PAPLN: variants seen among roughly 807,000 people sequenced by gnomAD.
PAPLN encodes papilin, proteoglycan like sulfated glycoprotein, also known as papilin.
PAPLN carries 146 observed loss-of-function variants against 159.0 expected under a neutral mutation model. The observed-to-expected ratio is 0.92, with a 90% CI of 0.80 to 1.05. The LOEUF is 1.05. Among genes scored for constraint, PAPLN ranks in the 50% least tolerant of loss-of-function variants. The pLI, the probability that PAPLN is intolerant of heterozygous loss-of-function variation, is 0.00. For synonymous variants in PAPLN, 734 were observed against 702.9 expected (o/e 1.04, Z -0.70); for missense variants, 1,720 against 1,743.9 (o/e 0.99, Z 0.24).
chr14:73,255,130 T>G, intron 14 of PAPLN, 112 bp downstream of exon 14: 4 of 1,391,970 alleles, frequency 2.9e-6, no homozygotes, highest in Non-Finnish European at 3.9e-6. Context: ...GTCATCCCTC[T>G]GGACCCCACT....
chr14:73,249,722 T>C, intron 5 of PAPLN: 1 of 187,176 alleles, frequency 5.3e-6, no homozygotes, highest in Non-Finnish European at 1.1e-5. Flanking sequence ...ACCTCAGCTG[T>C]GGTAAATAAT....
At chr14:73,264,415 C>T in intron 21 of PAPLN, 80 bp downstream of exon 21, 2 of 1,559,966 alleles carry the variant, frequency 1.3e-6, no homozygotes, top group Non-Finnish European at 1.7e-6. Context: ...TGACCGAGGG[C>T]TGCCTCACGC....
In PAPLN at chr14:73,240,124, C is replaced by T. The variant is rs565279679; in HGVS notation, c.54+292C>T. On this transcript the variant is annotated intron_variant, in intron 2 of 26. Coordinates refer to ENST00000644200, the MANE Select transcript of PAPLN (RefSeq NM_001365906.3). ...TGGGAGCACTCCATGAAGTCCCCGC[C>T]AATCCTGGCGGGTGCAGCCAAGGTG... is the stretch of plus-strand genomic sequence containing the variant. 3.9e-5 allele frequency among the ~76,000 whole-genome samples: 6 copies of T among 152,302 alleles called. No homozygotes were observed. The South Asian group carries it at 1.2e-3, about 32-fold the overall frequency.
intron 2 of PAPLN, among the ~76,000 whole-genome samples, chr14:73,241,867 C>T (rs1883587372): frequency 6.6e-6 from 1 of 152,278 alleles, no homozygotes; most frequent in Non-Finnish European, 1.5e-5. Context: ...CTCTCTCTTA[C>T]ACACGTGCAC....
At chr14:73,240,565 C>G (rs1475081455) in intron 2 of PAPLN, among the ~76,000 whole-genome samples, 4 of 152,184 alleles carry the variant, frequency 2.6e-5, no homozygotes, top group Non-Finnish European at 4.4e-5. Context: ...GCCTCAGCCT[C>G]CCAGGTAGCT....
rs190158697 is a variant in PAPLN, at chr14:73,242,752, A to G, written c.55-1892A>G. 7.2e-5 allele frequency: 11 copies of G among 152,338 alleles called. No individual in the cohort carries two copies. The East Asian group carries it at 1.7e-3, about 24-fold the overall frequency. The allele number at this position is 152,338 out of a possible 1,614,324, so 9.4% of individuals were successfully genotyped here. A position where few individuals can be genotyped will look rare whatever the true frequency, so the allele number is the denominator to read the frequency against. On this transcript the variant is annotated intron_variant, in intron 2 of 26. Coordinates refer to ENST00000644200, the MANE Select transcript of PAPLN (RefSeq NM_001365906.3). ...GTCCAAGTTAGACTTGAAGGAGTAG[A>G]TATTTTACAAAGTGAAAGCTAAGAC...
Position 73,269,293 on chromosome 14 carries a change from A to G in PAPLN, c.3667+570A>G, listed in dbSNP as rs541367375. Among the ~76,000 whole-genome samples, 148 of 81,490 alleles carry G rather than the reference A, an allele frequency of 1.8e-3. 4 individuals carry two copies. In the South Asian group the frequency reaches 0.056, roughly 31 times the overall value. The allele number at this position is 81,490 out of a possible 152,430, so 53.5% of individuals were successfully genotyped here. A position where few individuals can be genotyped will look rare whatever the true frequency, so the allele number is the denominator to read the frequency against. On this transcript the variant is annotated intron_variant, in intron 26 of 26. Transcript: ENST00000644200. ...TAGAGCCCATGTCTTTTGACTCCCC[A>G]TGTTTTTTTTTTTTTACCCCCACGA...
intron 25 of PAPLN, among the ~76,000 whole-genome samples, chr14:73,267,687 C>T (rs1179362289): frequency 6.6e-6 from 1 of 152,206 alleles, no homozygotes; most frequent in African/African-American, 2.4e-5. Context: ...TCTTGTGTGG[C>T]CTTGAGCCCA....
At position 73,245,187 on chromosome 14, in the gene PAPLN, CAGA is replaced by C; in HGVS notation, c.170+431_170+433del. 1 of 208,410 alleles carries C rather than the reference CAGA, an allele frequency of 4.8e-6. No homozygotes were observed. The highest frequency in any genetic ancestry group is 9.8e-6 in the Non-Finnish European group (1 of 101,810). The allele number at this position is 208,410 out of a possible 1,614,324, so 12.9% of individuals were successfully genotyped here. Reference sequence around the variant, plus strand: ...CAGGGTCAGTGGAGAAGGTGGGGCACAGAAGGAGTAGTGAGGTGCCTCTGTCCC... The same window carrying C: ...CAGGGTCAGTGGAGAAGGTGGGGCACAGGAGTAGTGAGGTGCCTCTGTCCC... On this transcript the variant is annotated intron_variant, in intron 3 of 26. Transcript: ENST00000644200. The surrounding 1 kb of genome is among the most constrained non-coding windows in gnomAD (Gnocchi z 4.2).
rs1594835354 is a variant in PAPLN at position 73,268,548 on chromosome 14, C to G, written c.3501-9C>G. 6.2e-7 allele frequency: 1 copy of G among 1,608,468 alleles called. No individual in the cohort carries two copies. Among genetic ancestry groups the G allele is most frequent in the African/African-American group, 1.3e-5 (1 of 74,840 alleles). ...CTTGATGGCTCTCCCAGTGTCCTCT[C>G]TCCTCCAGGAACGGGCTACCTGTGC... On this transcript the variant is annotated splice_polypyrimidine_tract_variant and intron_variant, in intron 25 of 26. Transcript: ENST00000644200.
At chr14:73,257,396 A>G (rs750674352) in intron 14 of PAPLN, among the ~76,000 whole-genome samples, 1 of 90,212 alleles carries the variant, frequency 1.1e-5, no homozygotes, top group Non-Finnish European at 2.3e-5. Context: ...AACTTTCACT[A>G]TGGGCATTAT....
At position 73,265,276 on chromosome 14, in the gene PAPLN, GAGA is replaced by G. The variant is rs1322845007; in HGVS notation, c.3126-91_3126-89del. 107 of 1,521,958 alleles carry G rather than the reference GAGA, an allele frequency of 7.0e-5. No individual in the cohort carries two copies. Among genetic ancestry groups the G allele is most frequent in the Non-Finnish European group, 9.3e-5 (106 of 1,138,758 alleles). 94.3% of individuals were successfully genotyped at this position (1,521,958 alleles called of 1,614,324 possible). ...AGGAAGCTGAATCTGGCTGGAGAGG[GAGA>G]AGGGGCCACCAGGCTTGTGCAGAGG... On this transcript the variant is annotated intron_variant, in intron 22 of 26. Transcript: ENST00000644200. The surrounding 1 kb of genome is among the most constrained non-coding windows in gnomAD (Gnocchi z 4.1).
In PAPLN at chr14:73,252,696, C is replaced by T. The variant is rs1289329801; in HGVS notation, c.1015C>T (p.Pro339Ser). Residue 339 changes from proline (P) to serine (S), a missense_variant, in exon 11 of 27, where the codon CCC becomes TCC. Coordinates refer to ENST00000644200, the MANE Select transcript of PAPLN (RefSeq NM_001365906.3). ...VFCTIDHEAY[P>S]DHMCQRQPRP... is the part of the protein sequence containing the mutation. The stretch of plus-strand genomic sequence containing the variant: ...CTGCACCATCGACCATGAGGCCTAC[C>T]CCGACCACATGTGCCAGCGCCAGCC... 2 of 1,613,338 alleles carry T rather than the reference C, an allele frequency of 1.2e-6. No homozygotes were observed. Among genetic ancestry groups the T allele is most frequent in the Admixed American group, 1.7e-5 (1 of 59,998 alleles).
chr14:73,269,805 C>T (rs1387111318), intron 26 of PAPLN, among the ~76,000 whole-genome samples: 3 of 152,198 alleles, frequency 2.0e-5, no homozygotes, highest in African/African-American at 7.2e-5. Context: ...GTCTTCTGGG[C>T]ATTCCTGACA....
chr14:73,245,852 C>A lies in PAPLN; in HGVS notation c.231+156C>A. On this transcript the variant is annotated intron_variant, in intron 4 of 26. Transcript: ENST00000644200. The surrounding 1 kb of genome is among the most constrained non-coding windows in gnomAD (Gnocchi z 4.2). ...CAGCAGGGCTGCGTGGGGGCCCCTT[C>A]CTCACCCTGCTCCCGGGGACTGGCC... The A allele has an allele frequency of 9.9e-7, 1 of 1,013,326 alleles. No homozygotes were observed. The highest frequency in any genetic ancestry group is 1.4e-6 in the Non-Finnish European group (1 of 701,660). 62.8% of individuals were successfully genotyped at this position (1,013,326 alleles called of 1,614,324 possible).
At chr14:73,255,955 A>C (rs939265498) in intron 14 of PAPLN, among the ~76,000 whole-genome samples, 1 of 152,124 alleles carries the variant, frequency 6.6e-6, no homozygotes, top group African/African-American at 2.4e-5. Context: ...GACTTTCCAG[A>C]CCGTGGTGGT....
Position 73,264,619 on chromosome 14 carries a change from G to A in PAPLN, c.3018G>A (p.Glu1006=), listed in dbSNP as rs1031085484. ...GGDMAVLSEA[E]LSRFPQPRDP... ...ACATGGCCGTGCTGTCTGAGGCTGA[G>A]CTGAGCCGCTTCCCTCAGCCCAGGG... is the stretch of plus-strand genomic sequence containing the variant. Residue 1006 remains glutamate (E), a synonymous_variant, in exon 22 of 27, where the codon GAG becomes GAA. Coordinates refer to ENST00000644200, the MANE Select transcript of PAPLN (RefSeq NM_001365906.3). 6.2e-7 allele frequency: 1 copy of A among 1,604,440 alleles called. No homozygotes were observed. Among genetic ancestry groups the A allele is most frequent in the African/African-American group, 1.3e-5 (1 of 74,194 alleles).
chr14:73,254,957 G>A lies in PAPLN; in HGVS notation c.1566G>A (p.Leu522=), dbSNP rs1357977941. The change falls in exon 14 of 27, where the codon CTG becomes CTA. Residue 522 remains leucine, a synonymous_variant. Coordinates refer to ENST00000644200, the MANE Select transcript of PAPLN (RefSeq NM_001365906.3). ...AIGPPSHCGS[L]QHSKPVDVEP... Reference sequence around the variant, plus strand: ...GGCCGCCCAGCCACTGCGGGAGCCTGCAGCACTCCAAGCCTGTGGATGTGG... The same window carrying A: ...GGCCGCCCAGCCACTGCGGGAGCCTACAGCACTCCAAGCCTGTGGATGTGG... 2 of 1,613,734 alleles carry A rather than the reference G, an allele frequency of 1.2e-6. No individual in the cohort carries two copies. Among genetic ancestry groups the A allele is most frequent in the Admixed American group, 3.3e-5 (2 of 60,002 alleles).
In PAPLN at chr14:73,268,386, G is replaced by A. The variant is rs550491072; in HGVS notation, c.3501-171G>A. The A allele has an allele frequency of 4.8e-6, 3 of 629,538 alleles. No homozygotes were observed. The African/African-American group carries it at 5.6e-5, about 12-fold the overall frequency. The allele number at this position is 629,538 out of a possible 1,614,324, so 39.0% of individuals were successfully genotyped here. On this transcript the variant is annotated intron_variant, in intron 25 of 26. Coordinates refer to ENST00000644200, the MANE Select transcript of PAPLN (RefSeq NM_001365906.3). Reference sequence around the variant, plus strand: ...GTTGGAGGGGCACCATCATCACCCAGTAACCCAACCTAGAAACCTTGGTCA... The same window carrying A: ...GTTGGAGGGGCACCATCATCACCCAATAACCCAACCTAGAAACCTTGGTCA...
Sources: gnomAD v4.1 joint callset for allele counts (sites outside exome capture counted in the v4.1 genomes callset) on GRCh38, gnomAD v4.1.1 for gene constraint, Gnocchi (gnomAD v3.1) non-coding constraint, MANE v1.5 for transcripts, NCBI Gene and HGNC (gene_info 2026-07-23, HGNC 2026-07-21) for gene names.